P2RY6: variants seen among roughly 807,000 people sequenced by gnomAD.
P2RY6 encodes the protein pyrimidinergic receptor P2Y6.
A neutral mutation model predicts 16.3 loss-of-function variants in P2RY6; 19 were observed. That is an observed-to-expected ratio of 1.16 (90% CI 0.81 to 1.71). P2RY6 has a LOEUF of 1.71. Ranked by LOEUF, P2RY6 falls within the 40% of genes most tolerant of loss-of-function variation. The pLI, the probability that P2RY6 is intolerant of heterozygous loss-of-function variation, is 0.00. For missense variants in P2RY6, 389 were observed against 455.5 expected, an observed-to-expected ratio of 0.85 and a Z score of 1.33; for synonymous variants, 184 against 201.5, an observed-to-expected ratio of 0.91 and a Z score of 0.74.
At chr11:73,281,022 G>A (rs1387003439) in intron 1 of P2RY6, among the ~76,000 whole-genome samples, 3 of 152,256 alleles carry the variant, frequency 2.0e-5, no homozygotes, top group Admixed American at 6.5e-5. Flanking sequence ...GGGAGGGGCC[G>A]TGGGGTGAGA....
At chr11:73,295,689 C>A in intron 1 of P2RY6, 41 bp from the exon 2 acceptor site, 1 of 806,310 alleles carries the variant, frequency 1.2e-6, no homozygotes, top group Non-Finnish European at 1.5e-6. Flanking sequence ...TGGAAAGAAG[C>A]CTTGGGGAAC....
At chr11:73,275,276 T>C (rs1246699863) in intron 1 of P2RY6, among the ~76,000 whole-genome samples, 2 of 152,174 alleles carry the variant, frequency 1.3e-5, no homozygotes, top group East Asian at 1.9e-4. Context: ...TTTCATGGCC[T>C]GGGACGGAGT....
intron 1 of P2RY6, among the ~76,000 whole-genome samples, chr11:73,290,149 G>T (rs1864141494): frequency 1.3e-5 from 2 of 152,008 alleles, no homozygotes; most frequent in Non-Finnish European, 2.9e-5. Flanking sequence ...TTGAACCTGG[G>T]AGGCGGAAGT....
At chr11:73,271,000 A>G (rs1565159737), upstream of P2RY6, among the ~76,000 whole-genome samples, 1 of 152,286 alleles carries the variant, frequency 6.6e-6, no homozygotes, top group East Asian at 1.9e-4. Flanking sequence ...ACCAAAAGAA[A>G]CTAATCTCCC....
In P2RY6 at chr11:73,266,481, C is replaced by T. The variant is rs185348909; in HGVS notation, c.-281+1832C>T. 4.3e-4 allele frequency among the ~76,000 whole-genome samples: 66 copies of T among 152,330 alleles called. No individual in the cohort carries two copies. In the East Asian group the frequency reaches 0.011, roughly 24 times the overall value. ...AGTACAGGATCAGGAATATTAGTCCCTGGACCAAGACAGGCCCTGAGAGCT... is the reference window on the plus strand; with the variant it reads ...AGTACAGGATCAGGAATATTAGTCCTTGGACCAAGACAGGCCCTGAGAGCT... On this transcript the variant is annotated intron_variant, in intron 1 of 3. Coordinates refer to the P2RY6 transcript ENST00000349767.
chr11:73,296,178 T>C (rs1351545071), intron 2 of P2RY6, among the ~76,000 whole-genome samples: 1 of 144,426 alleles, frequency 6.9e-6, no homozygotes, highest in Non-Finnish European at 1.5e-5. Context: ...AAACATATGA[T>C]CAGGGCTTTG....
chr11:73,269,882 CCTT>C (rs1202380140), upstream of P2RY6: 1 of 152,388 alleles, frequency 6.6e-6, no homozygotes, highest in Non-Finnish European at 1.5e-5. Flanking sequence ...TCCCCCCACA[CCTT>C]CTTACCACAA....
chr11:73,269,358 G>T (rs1863210555), upstream of P2RY6, among the ~76,000 whole-genome samples: 1 of 152,182 alleles, frequency 6.6e-6, no homozygotes, highest in Non-Finnish European at 1.5e-5. Context: ...CTGAAAGTTA[G>T]CCCCTAAGGC....
Position 73,295,824 on chromosome 11 carries a change from A to G in P2RY6, c.-35+9A>G. The G allele has an allele frequency of 1.0e-6, 1 of 977,422 alleles. No individual in the cohort carries two copies. Among genetic ancestry groups the G allele is most frequent in the Non-Finnish European group, 1.2e-6 (1 of 822,958 alleles). The allele number at this position is 977,422 out of a possible 1,614,324, so 60.5% of individuals were successfully genotyped here. A position where few individuals can be genotyped will look rare whatever the true frequency, so the allele number is the denominator to read the frequency against. The stretch of plus-strand genomic sequence containing the variant: ...TCCTCAGTGAGCCCCTGGTGTGTGG[A>G]CCCTTCGCATTGGTTAACTAAGAGT... On this transcript the variant is annotated intron_variant, in intron 2 of 2. Transcript: ENST00000540124.
At chr11:73,282,511 A>G (rs1406608168) in intron 1 of P2RY6, among the ~76,000 whole-genome samples, 5 of 152,190 alleles carry the variant, frequency 3.3e-5, no homozygotes, top group Admixed American at 2.6e-4. Flanking sequence ...GAGGTCCCAC[A>G]TCTCCAGCAG....
chr11:73,287,667 T>A (rs976597368), intron 1 of P2RY6, among the ~76,000 whole-genome samples: 10 of 152,236 alleles, frequency 6.6e-5, no homozygotes, highest in Admixed American at 5.9e-4. Flanking sequence ...ATCAGCCAAC[T>A]GCACTACTTG....
chr11:73,289,795 T>C (rs1171271113), intron 1 of P2RY6, among the ~76,000 whole-genome samples: 2 of 152,234 alleles, frequency 1.3e-5, no homozygotes, highest in Non-Finnish European at 2.9e-5. Flanking sequence ...GCCACCTGGC[T>C]GGGATAGCTT....
At chr11:73,268,652 T>C (rs1863183937), upstream of P2RY6, among the ~76,000 whole-genome samples, 2 of 152,152 alleles carry the variant, frequency 1.3e-5, no homozygotes, top group African/African-American at 2.4e-5. Flanking sequence ...TCTCCTCCTG[T>C]CCAAGGAGAC....
At chr11:73,266,662 G>A (rs2135675113) in intron 1 of P2RY6, among the ~76,000 whole-genome samples, 1 of 152,360 alleles carries the variant, frequency 6.6e-6, no homozygotes, top group East Asian at 1.9e-4. Context: ...TAGAGGAGTT[G>A]CCCGGAGGCC....
intron 1 of P2RY6, among the ~76,000 whole-genome samples, chr11:73,286,211 T>A (rs1470795607): frequency 5.9e-5 from 9 of 152,032 alleles, no homozygotes; most frequent in African/African-American, 2.2e-4. Flanking sequence ...GACCCCTGGG[T>A]CCAGCTGGAC....
At chr11:73,273,351 A>C (rs1863398181) in intron 1 of P2RY6, among the ~76,000 whole-genome samples, 1 of 152,154 alleles carries the variant, frequency 6.6e-6, no homozygotes, top group Non-Finnish European at 1.5e-5. Flanking sequence ...CAATGAGATG[A>C]AAAATGAGAA....
At chr11:73,292,392 G>T (rs1286833168) in intron 1 of P2RY6, among the ~76,000 whole-genome samples, 2 of 152,218 alleles carry the variant, frequency 1.3e-5, no homozygotes, top group African/African-American at 4.8e-5. Flanking sequence ...TATTGAATGA[G>T]GGAAGGCAGG....
chr11:73,275,086 A>T (rs1450157157), intron 1 of P2RY6, among the ~76,000 whole-genome samples: 1 of 152,160 alleles, frequency 6.6e-6, no homozygotes, highest in Non-Finnish European at 1.5e-5. Context: ...GTCTACGGAG[A>T]TGGCGTAGGC....
chr11:73,292,186 G>A (rs568099426), intron 1 of P2RY6, among the ~76,000 whole-genome samples: 4 of 152,372 alleles, frequency 2.6e-5, no homozygotes, highest in South Asian at 2.1e-4. Flanking sequence ...TGCGCTCTGC[G>A]CCTGCCGTGT....
Sources: allele counts gnomAD v4.1 joint callset (sites outside exome capture counted in the v4.1 genomes callset), GRCh38; gene constraint gnomAD v4.1.1; transcripts MANE v1.5; gene names NCBI Gene and HGNC (gene_info 2026-07-23, HGNC 2026-07-21).